PPFIBP2: variants seen among roughly 807,000 people sequenced by gnomAD.
The protein encoded by PPFIBP2 is liprin-beta-2.
In PPFIBP2, 118 loss-of-function variants were observed where a neutral mutation model predicts 118.3. The ratio of observed to expected loss-of-function variants is 1.00; its 90% CI spans 0.86 to 1.16. The LOEUF is 1.16. Ranked by LOEUF, PPFIBP2 falls within the 50% of genes most tolerant of loss-of-function variation. PPFIBP2 has a pLI of 0.00. For missense variants in PPFIBP2, 1,195 were observed against 1,073.1 expected (o/e 1.11, Z -1.59); for synonymous variants, 414 against 397.4 (o/e 1.04, Z -0.50).
At chr11:7,625,651 G>A in intron 7 of PPFIBP2, 126 bp from the exon 8 acceptor site, 3 of 714,930 alleles carry the variant, frequency 4.2e-6, no homozygotes, top group Non-Finnish European at 7.3e-6. Flanking sequence ...CCCTGCTCCT[G>A]CTCACCTCTT....
rs758341225 is a variant in PPFIBP2, at chr11:7,565,720, C to T, written c.232C>T (p.Pro78Ser). Reference protein sequence around the residue: ...QERAALLSQIPGPTAAYIKEW... With the variant: ...QERAALLSQISGPTAAYIKEW... ...GAGAGCAGCCCTCCTGAGCCAGATCCCTGGCCCAACAGCTGCCTACATAAA... is the reference window on the plus strand; with the variant it reads ...GAGAGCAGCCCTCCTGAGCCAGATCTCTGGCCCAACAGCTGCCTACATAAA... The change falls in exon 3 of 24, where the codon CCT (proline) becomes TCT (serine). Residue 78 changes from proline (P) to serine (S), a missense_variant. Pro to Ser is a moderately conservative substitution (Grantham distance 74). Transcript: ENST00000299492. The T allele has an allele frequency of 6.2e-7, 1 of 1,614,188 alleles. No individual in the cohort carries two copies. Among genetic ancestry groups the T allele is most frequent in the Non-Finnish European group, 8.5e-7 (1 of 1,180,026 alleles).
chr11:7,554,019 T>A (rs1321157090), intron 2 of PPFIBP2, among the ~76,000 whole-genome samples: 1 of 151,830 alleles, frequency 6.6e-6, no homozygotes, highest in East Asian at 1.9e-4. Flanking sequence ...GTGGCACAGC[T>A]AAAGAAGTTT....
At chr11:7,532,506 A>G (rs1850787679) in intron 1 of PPFIBP2, among the ~76,000 whole-genome samples, 1 of 152,230 alleles carries the variant, frequency 6.6e-6, no homozygotes, top group African/African-American at 2.4e-5. Context: ...GGACCCAGCT[A>G]GCTAGTGGAG....
chr11:7,626,034 C>T (rs1041692337), intron 8 of PPFIBP2, 143 bp downstream of exon 8: 24 of 686,926 alleles, frequency 3.5e-5, no homozygotes, highest in Middle Eastern at 2.7e-4. Context: ...TGTGTGCAAG[C>T]GTGGCCAAGT....
intron 3 of PPFIBP2, among the ~76,000 whole-genome samples, chr11:7,574,638 A>G (rs1319568391): frequency 6.6e-6 from 1 of 152,162 alleles, no homozygotes; most frequent in East Asian, 1.9e-4. Flanking sequence ...ATGGACTTCT[A>G]GGGCAGTGGT....
At chr11:7,617,215 C>T (rs1432268085) in intron 6 of PPFIBP2, 4 of 985,326 alleles carry the variant, frequency 4.1e-6, no homozygotes, top group Non-Finnish European at 4.8e-6. Flanking sequence ...AGGGACCACC[C>T]TGAGGAGGTG....
intron 3 of PPFIBP2, among the ~76,000 whole-genome samples, chr11:7,572,567 G>A (rs1186920249): frequency 6.6e-6 from 1 of 152,178 alleles, no homozygotes; most frequent in East Asian, 1.9e-4. Context: ...GGGCCGTGGT[G>A]GACAGTGTTG....
At chr11:7,620,914 T>C in intron 6 of PPFIBP2, 21 bp from the exon 7 acceptor site, 1 of 1,550,172 alleles carries the variant, frequency 6.5e-7, no homozygotes, top group Non-Finnish European at 8.9e-7. Context: ...CAGAACTTTG[T>C]CTTTCTCCCT....
intron 4 of PPFIBP2, chr11:7,597,115 C>A: frequency 2.2e-6 from 3 of 1,387,944 alleles, no homozygotes; most frequent in Non-Finnish European, 2.8e-6. Flanking sequence ...GTGAGCAGTC[C>A]TCACACCCTT....
chr11:7,643,265 A>G (rs1330380500), intron 17 of PPFIBP2, among the ~76,000 whole-genome samples: 1 of 152,222 alleles, frequency 6.6e-6, no homozygotes, highest in African/African-American at 2.4e-5. Flanking sequence ...ATCAAGCTAT[A>G]GTAAGCTTGA....
chr11:7,638,203 TGGG>T (rs1443858088), intron 14 of PPFIBP2, among the ~76,000 whole-genome samples: 2 of 152,242 alleles, frequency 1.3e-5, no homozygotes, highest in Non-Finnish European at 2.9e-5. Context: ...GACTGGGCAC[TGGG>T]AATTCATGTT....
the PPFIBP2 span, chr11:7,665,345 C>A: frequency 6.8e-7 from 1 of 1,471,914 alleles, no homozygotes; most frequent in Non-Finnish European, 9.1e-7. Flanking sequence ...TGAAAAGGGA[C>A]ATGCAAAATT....
chr11:7,563,982 A>G (rs1016181336), intron 2 of PPFIBP2, among the ~76,000 whole-genome samples: 5 of 152,074 alleles, frequency 3.3e-5, no homozygotes, highest in African/African-American at 9.7e-5. Flanking sequence ...TGGCTAACAC[A>G]GTGAAACCCC....
intron 1 of PPFIBP2, chr11:7,538,396 G>C (rs1590159409): frequency 6.6e-6 from 1 of 152,638 alleles, no homozygotes; most frequent in African/African-American, 2.4e-5. Context: ...CTTCTTTAGA[G>C]GACAGTGTGC....
rs1854898761 is a variant in PPFIBP2, at chr11:7,565,767, GGTGAGTA to G, written c.279+3_279+9del. On this transcript the variant is annotated splice_donor_variant and splice_donor_5th_base_variant and intron_variant, in intron 3 of 23. Transcript: ENST00000299492. LOFTEE classifies it high-confidence loss of function. The stretch of plus-strand genomic sequence containing the variant: ...TAAAGGAATGGTTTGAAGAGAGCTT[GGTGAGTA>G]GTCCCGTGGCCTGATTGGGAACCAC... 2 of 1,613,978 alleles carry G rather than the reference GGTGAGTA, an allele frequency of 1.2e-6. No individual in the cohort carries two copies. Among genetic ancestry groups the G allele is most frequent in the South Asian group, 2.2e-5 (2 of 91,072 alleles).
intron 4 of PPFIBP2, among the ~76,000 whole-genome samples, chr11:7,596,281 G>T (rs1227242793): frequency 6.6e-6 from 1 of 152,108 alleles, no homozygotes; most frequent in African/African-American, 2.4e-5. Context: ...TTTGAAAGTA[G>T]AGTTAGTTCA....
Position 7,564,377 on chromosome 11 carries a change from C to G in PPFIBP2, c.65-1176C>G, listed in dbSNP as rs140825004. On this transcript the variant is annotated intron_variant, in intron 2 of 23. Coordinates refer to ENST00000299492, the MANE Select transcript of PPFIBP2 (RefSeq NM_003621.5). Reference sequence around the variant, plus strand: ...AACTCAGTTAAATGTAATATGGACTCTCTCTCAGACTCCACAGCCCACAAT... The same window carrying G: ...AACTCAGTTAAATGTAATATGGACTGTCTCTCAGACTCCACAGCCCACAAT... Among the ~76,000 whole-genome samples the G allele has an allele frequency of 4.6e-5, 7 of 152,254 alleles. No individual in the cohort carries two copies. The South Asian group carries it at 6.2e-4, about 14-fold the overall frequency.
chr11:7,655,238 C>T (rs1458012767), downstream of PPFIBP2, among the ~76,000 whole-genome samples: 1 of 152,162 alleles, frequency 6.6e-6, no homozygotes, highest in Non-Finnish European at 1.5e-5. Context: ...ACATTGATGC[C>T]TTTCCCCAGG....
intron 3 of PPFIBP2, chr11:7,568,867 G>C (rs564915407): frequency 6.6e-6 from 1 of 152,358 alleles, no homozygotes; most frequent in East Asian, 1.9e-4. Context: ...AAAAGAAATA[G>C]ACATTAAAGA....
Sources: allele counts gnomAD v4.1 joint callset (sites outside exome capture counted in the v4.1 genomes callset), GRCh38; gene constraint gnomAD v4.1.1; transcripts MANE v1.5; gene names NCBI Gene and HGNC (gene_info 2026-07-23, HGNC 2026-07-21).